The following RBFOX2 variants were observed in gnomAD, a reference collection of about 807,000 sequenced individuals.
The protein encoded by RBFOX2 is RNA binding protein fox-1 homolog 2.
Under a neutral mutation model 49.1 loss-of-function variants are expected in RBFOX2, and 10 were observed. The observed-to-expected ratio is 0.20, with a 90% CI of 0.13 to 0.35. The LOEUF is 0.35. Ranked by LOEUF, RBFOX2 falls within the 10% of genes least tolerant of loss-of-function variation. The pLI is 1.00. For synonymous variants in RBFOX2, 183 were observed against 187.4 expected (o/e 0.98, Z 0.19); for missense variants, 323 against 486.9 (o/e 0.66, Z 3.17).
intron 9 of RBFOX2, chr22:35,756,128 C>G: frequency 6.7e-7 from 1 of 1,501,716 alleles, no homozygotes; most frequent in East Asian, 2.6e-5. Flanking sequence ...CCGTAAAATC[C>G]GTCCTGGTAA....
At chr22:35,900,170 G>A (rs1339043036) in intron 1 of RBFOX2, among the ~76,000 whole-genome samples, 2 of 152,156 alleles carry the variant, frequency 1.3e-5, no homozygotes. Context: ...TTGGAGTGCA[G>A]TGGCATGATC....
intron 1 of RBFOX2, among the ~76,000 whole-genome samples, chr22:36,003,977 A>G (rs549905347): frequency 3.2e-4 from 48 of 152,334 alleles, no homozygotes; most frequent in South Asian, 1.5e-3. Context: ...TCTCTTGTGC[A>G]CTTTAGGATG....
chr22:35,877,273 G>C (rs1172952573), intron 1 of RBFOX2, among the ~76,000 whole-genome samples: 1 of 152,030 alleles, frequency 6.6e-6, no homozygotes, highest in Non-Finnish European at 1.5e-5. Flanking sequence ...TTGCTAAAAG[G>C]ACAGGAAGGG....
chr22:35,760,139 T>C lies in RBFOX2; in HGVS notation c.755-119A>G. On this transcript the variant is annotated intron_variant, in intron 8 of 11. Transcript: ENST00000405409. ...TGGAAAGATACGAACCACACCTTTT[T>C]GGAAAAGGTGGCATGCATTCAATAA... 4.5e-6 allele frequency: 6 copies of C among 1,319,560 alleles called. 1 individual carries two copies. The South Asian group carries it at 5.2e-5, about 11-fold the overall frequency. 81.7% of individuals were successfully genotyped at this position (1,319,560 alleles called of 1,614,324 possible).
rs1480126404 is a variant in RBFOX2 at position 36,001,327 on chromosome 22, C to G, written c.186+26913G>C. ...GAATGGGAAACTGCAACATGAATGA[C>G]AAACACTACTTTCATTAATTTATAA... On this transcript the variant is annotated intron_variant, in intron 1 of 13. Coordinates refer to the RBFOX2 transcript ENST00000438146. 3.3e-5 allele frequency among the ~76,000 whole-genome samples: 5 copies of G among 151,688 alleles called. No homozygotes were observed. The South Asian group carries it at 1.0e-3, about 31-fold the overall frequency.
intron 1 of RBFOX2, chr22:35,897,302 T>C: frequency 2.0e-6 from 3 of 1,503,036 alleles, no homozygotes; most frequent in Non-Finnish European, 1.9e-6. Flanking sequence ...CATCCTCAAT[T>C]TCAGCAGACA....
intron 2 of RBFOX2, among the ~76,000 whole-genome samples, chr22:35,794,758 A>G (rs886309515): frequency 6.6e-6 from 1 of 152,202 alleles, no homozygotes; most frequent in Non-Finnish European, 1.5e-5. Flanking sequence ...AAATGTAAAC[A>G]GGTTAAAAAA....
At chr22:35,915,541 C>G (rs1181430772) in intron 1 of RBFOX2, among the ~76,000 whole-genome samples, 2 of 152,208 alleles carry the variant, frequency 1.3e-5, no homozygotes, top group African/African-American at 2.4e-5. Flanking sequence ...GGACTCCACA[C>G]GACTGGTCAG....
In RBFOX2 at chr22:36,002,285, C is replaced by T. The variant is rs547817889; in HGVS notation, c.186+25955G>A. ...CGTCTTCTTGTGCTTATCTTATGCACACAGCAACATACATACAAGCAGCAT... is the reference window on the plus strand; with the variant it reads ...CGTCTTCTTGTGCTTATCTTATGCATACAGCAACATACATACAAGCAGCAT... On this transcript the variant is annotated intron_variant, in intron 1 of 13. Coordinates refer to the RBFOX2 transcript ENST00000438146. Among the ~76,000 whole-genome samples, 43 of 152,178 alleles carry T rather than the reference C, an allele frequency of 2.8e-4. 1 individual carries two copies. The highest frequency in any genetic ancestry group is 2.4e-3 in the Admixed American group (36 of 15,302).
At chr22:35,975,613 T>C (rs1398891257) in intron 1 of RBFOX2, among the ~76,000 whole-genome samples, 1 of 152,154 alleles carries the variant, frequency 6.6e-6, no homozygotes, top group Non-Finnish European at 1.5e-5. Flanking sequence ...AATCCTAACC[T>C]TGGGAGTCAG....
upstream of RBFOX2, among the ~76,000 whole-genome samples, chr22:35,841,221 CTA>C (rs1958708804): frequency 6.6e-6 from 1 of 152,124 alleles, no homozygotes; most frequent in Non-Finnish European, 1.5e-5. Context: ...CTCCAGCCTT[CTA>C]TGTTTCAGCC....
chr22:35,842,946 A>G (rs997053359), upstream of RBFOX2, among the ~76,000 whole-genome samples: 4 of 152,178 alleles, frequency 2.6e-5, no homozygotes, highest in Admixed American at 1.3e-4. Flanking sequence ...CAGTGCAAAT[A>G]GGCTTAAAAA....
chr22:35,834,228 C>T (rs943593423), intron 1 of RBFOX2, among the ~76,000 whole-genome samples: 1 of 152,184 alleles, frequency 6.6e-6, no homozygotes, highest in Non-Finnish European at 1.5e-5. Context: ...GTTACTTAAC[C>T]GTCATATGCC....
chr22:35,925,150 C>A (rs1603449323), intron 1 of RBFOX2, among the ~76,000 whole-genome samples: 1 of 151,988 alleles, frequency 6.6e-6, no homozygotes, highest in East Asian at 1.9e-4. Flanking sequence ...CGAGATCCAG[C>A]CGCTACAATC....
intron 1 of RBFOX2, among the ~76,000 whole-genome samples, chr22:35,932,260 C>A (rs1270743638): frequency 6.6e-6 from 1 of 151,416 alleles, no homozygotes; most frequent in African/African-American, 2.4e-5. Flanking sequence ...CTTGAAAGTT[C>A]ATTGCAAAAA....
chr22:36,006,896 CAG>C (rs1838895555), intron 1 of RBFOX2, among the ~76,000 whole-genome samples: 1 of 152,200 alleles, frequency 6.6e-6, no homozygotes, highest in Admixed American at 6.5e-5. Context: ...TGGCTTGGTA[CAG>C]ACACTCCTCT....
intron 1 of RBFOX2, among the ~76,000 whole-genome samples, chr22:35,833,598 T>C (rs929783141): frequency 1.4e-4 from 22 of 152,204 alleles, no homozygotes; most frequent in Non-Finnish European, 1.9e-4. Context: ...TCAAAGATGA[T>C]TGACAAGTGA....
chr22:35,931,554 C>T (rs1247474026), intron 1 of RBFOX2, among the ~76,000 whole-genome samples: 2 of 151,944 alleles, frequency 1.3e-5, no homozygotes, highest in Non-Finnish European at 2.9e-5. Flanking sequence ...GCGGGTGGAA[C>T]GCATGAACTC....
upstream of RBFOX2, among the ~76,000 whole-genome samples, chr22:35,962,698 A>G (rs2056306249): frequency 6.6e-6 from 1 of 152,040 alleles, no homozygotes; most frequent in South Asian, 2.1e-4. Flanking sequence ...TGTGACTAGT[A>G]TTTTCTTTGC....
Sources: gnomAD v4.1 joint callset for allele counts (sites outside exome capture counted in the v4.1 genomes callset) on GRCh38, gnomAD v4.1.1 for gene constraint, MANE v1.5 for transcripts, NCBI Gene and HGNC (gene_info 2026-07-23, HGNC 2026-07-21) for gene names.